Variants in STXBP5L observed in about 807,000 individuals in gnomAD.
The protein encoded by STXBP5L is syntaxin-binding protein 5-like.
In STXBP5L, 65 loss-of-function variants were observed where a neutral mutation model predicts 144.5. The observed-to-expected ratio is 0.45, with a 90% CI of 0.37 to 0.55. The LOEUF (loss-of-function observed/expected upper bound fraction) is 0.55. Among genes scored for constraint, STXBP5L ranks in the 20% least tolerant of loss-of-function variants. STXBP5L has a pLI of 0.00. For synonymous variants in STXBP5L, 505 were observed against 469.6 expected, an observed-to-expected ratio of 1.08 and a Z score of -0.97; for missense variants, 1,298 against 1,405.5, an observed-to-expected ratio of 0.92 and a Z score of 1.22.
intron 10 of STXBP5L, among the ~76,000 whole-genome samples, chr3:121,219,823 G>T (rs539605504): frequency 1.3e-5 from 2 of 152,118 alleles, no homozygotes; most frequent in Admixed American, 6.6e-5. Context: ...TTAAATAAAA[G>T]AATGCATGTA....
intron 7 of STXBP5L, among the ~76,000 whole-genome samples, chr3:121,146,756 A>T (rs941503958): frequency 1.3e-5 from 2 of 152,092 alleles, no homozygotes; most frequent in African/African-American, 4.8e-5. Flanking sequence ...TTTATAATAG[A>T]AATTGGTTAA....
intron 3 of STXBP5L, among the ~76,000 whole-genome samples, chr3:121,025,652 T>C (rs1385151498): frequency 5.3e-5 from 8 of 151,724 alleles, no homozygotes. Flanking sequence ...TGCTCTTGGC[T>C]CTCAAATTCC....
chr3:121,202,024 G>A (rs1393372329), intron 9 of STXBP5L, among the ~76,000 whole-genome samples: 1 of 152,024 alleles, frequency 6.6e-6, no homozygotes, highest in Non-Finnish European at 1.5e-5. Flanking sequence ...CCAAATTGCT[G>A]GGATTACAGG....
intron 3 of STXBP5L, among the ~76,000 whole-genome samples, chr3:121,014,294 T>C (rs1463545404): frequency 6.6e-6 from 1 of 152,072 alleles, no homozygotes; most frequent in Non-Finnish European, 1.5e-5. Flanking sequence ...TATTTGTTTG[T>C]GTCATCTACA....
At chr3:120,951,801 C>T (rs1368901636) in intron 2 of STXBP5L, among the ~76,000 whole-genome samples, 14 of 152,090 alleles carry the variant, frequency 9.2e-5, no homozygotes, top group Non-Finnish European at 1.5e-4. Context: ...CATCCCATTA[C>T]GGGGTATATA....
intron 4 of STXBP5L, among the ~76,000 whole-genome samples, chr3:121,044,421 CA>C (rs1316212301): frequency 3.9e-5 from 6 of 152,106 alleles, no homozygotes; most frequent in African/African-American, 1.4e-4. Context: ...CTAGCAATTT[CA>C]ATATCGTTCT....
intron 3 of STXBP5L, among the ~76,000 whole-genome samples, chr3:121,012,605 T>C (rs12492453): frequency 0.099 from 15,068 of 151,852 alleles, 1,177 homozygotes; most frequent in Admixed American, 0.2. Context: ...TTCATGCATT[T>C]ATTGTCAGTT....
intron 5 of STXBP5L, among the ~76,000 whole-genome samples, chr3:121,073,222 C>T (rs1003299354): frequency 4.6e-5 from 7 of 152,178 alleles, no homozygotes; most frequent in Non-Finnish European, 7.3e-5. Flanking sequence ...TGGGGCTTTC[C>T]GTGCTCCACC....
rs928127824 is a variant in STXBP5L, at chr3:121,171,123, C to T, written c.877+13496C>T. Among the ~76,000 whole-genome samples the T allele has an allele frequency of 3.9e-5, 6 of 152,022 alleles. No homozygotes were observed. In the South Asian group the frequency reaches 6.2e-4, roughly 16 times the overall value. On this transcript the variant is annotated intron_variant, in intron 9 of 26. Transcript: ENST00000471454. ...TTTTCTCAATAGATGCAGAAAAGGC[C>T]TTCGATGCAGAAGAGGACTTTGATA...
chr3:121,183,644 A>T (rs1480831366), intron 9 of STXBP5L, among the ~76,000 whole-genome samples: 1 of 151,696 alleles, frequency 6.6e-6, no homozygotes, highest in East Asian at 1.9e-4. Context: ...GAAGGAAAGA[A>T]AGAAAAAAGA....
intron 5 of STXBP5L, among the ~76,000 whole-genome samples, chr3:121,077,443 C>T (rs1034918577): frequency 4.6e-5 from 7 of 152,052 alleles, no homozygotes; most frequent in South Asian, 2.1e-4. Context: ...TTCGTGGTCT[C>T]GCTGGCTAGG....
intron 5 of STXBP5L, among the ~76,000 whole-genome samples, chr3:121,051,067 G>C (rs1477121827): frequency 1.3e-5 from 2 of 152,268 alleles, no homozygotes; most frequent in South Asian, 4.1e-4. Flanking sequence ...CAATACAGGA[G>C]CACCCAGATT....
intron 3 of STXBP5L, among the ~76,000 whole-genome samples, chr3:120,998,534 C>T (rs535316572): frequency 6.6e-6 from 1 of 152,144 alleles, no homozygotes; most frequent in East Asian, 1.9e-4. Context: ...CCTCCCCTAG[C>T]TGACCATTCC....
chr3:121,277,989 C>T (rs756626989), intron 18 of STXBP5L, among the ~76,000 whole-genome samples: 2 of 151,910 alleles, frequency 1.3e-5, no homozygotes, highest in Non-Finnish European at 2.9e-5. Context: ...AGTACACAGC[C>T]GAAGTCTCAA....
chr3:121,147,310 A>G (rs1235723613), intron 7 of STXBP5L, among the ~76,000 whole-genome samples: 3 of 152,134 alleles, frequency 2.0e-5, no homozygotes, highest in Admixed American at 1.3e-4. Flanking sequence ...AAAAAGATAA[A>G]TGAAAAATCC....
intron 5 of STXBP5L, among the ~76,000 whole-genome samples, chr3:121,103,621 T>C (rs558302070): frequency 6.6e-6 from 1 of 152,270 alleles, no homozygotes; most frequent in South Asian, 2.1e-4. Context: ...CCTATACATG[T>C]ACCTCCTGAA....
intron 9 of STXBP5L, among the ~76,000 whole-genome samples, chr3:121,196,744 A>G (rs953089513): frequency 6.6e-6 from 1 of 151,958 alleles, no homozygotes; most frequent in Admixed American, 6.6e-5. Context: ...ATCACGGCTC[A>G]CTGCAGCCTC....
At chr3:121,029,095 C>G (rs763204696) in intron 3 of STXBP5L, among the ~76,000 whole-genome samples, 36 of 152,066 alleles carry the variant, frequency 2.4e-4, no homozygotes, top group Admixed American at 6.6e-4. Context: ...GTGCAAATGG[C>G]CATACTGACC....
At chr3:120,974,850 T>C (rs2107816996) in intron 3 of STXBP5L, among the ~76,000 whole-genome samples, 1 of 152,278 alleles carries the variant, frequency 6.6e-6, no homozygotes, top group East Asian at 1.9e-4. Flanking sequence ...ATCAGATAGT[T>C]GTAGATATGC....
Sources: gnomAD v4.1 joint callset for allele counts (sites outside exome capture counted in the v4.1 genomes callset) on GRCh38, gnomAD v4.1.1 for gene constraint, MANE v1.5 for transcripts, NCBI Gene and HGNC (gene_info 2026-07-23, HGNC 2026-07-21) for gene names.